Variants in MALRD1 observed in about 807,000 individuals in gnomAD.
MALRD1 encodes the protein MAM and LDL receptor class A domain containing 1, also known as MAM and LDL-receptor class A domain-containing protein 1.
A neutral mutation model predicts 242.1 loss-of-function variants in MALRD1; 247 were observed. The ratio of observed to expected loss-of-function variants is 1.02; its 90% CI spans 0.92 to 1.13. The LOEUF (loss-of-function observed/expected upper bound fraction) is 1.13, where lower values mean the gene tolerates loss of function less well. Among genes scored for constraint, MALRD1 ranks in the 50% most tolerant of loss-of-function variants. The pLI is 0.00. For missense variants in MALRD1, 2,989 were observed against 2,533.1 expected (o/e 1.18, Z -3.86); for synonymous variants, 995 against 866.6 (o/e 1.15, Z -2.60).
intron 29 of MALRD1, among the ~76,000 whole-genome samples, chr10:19,486,282 GT>G (rs927884913): frequency 5.9e-5 from 9 of 152,042 alleles, no homozygotes; most frequent in South Asian, 2.1e-4. Context: ...AGTCTGATCA[GT>G]TTTTTTTAAC....
At chr10:19,693,608 C>T (rs893363024) in intron 38 of MALRD1, among the ~76,000 whole-genome samples, 5 of 152,156 alleles carry the variant, frequency 3.3e-5, no homozygotes, top group African/African-American at 4.8e-5. Context: ...CTTCCATGCT[C>T]GTGGATAGGA....
intron 32 of MALRD1, among the ~76,000 whole-genome samples, 182 bp from the exon 33 acceptor site, chr10:19,567,320 C>T (rs1222347058): frequency 2.0e-5 from 3 of 151,844 alleles, no homozygotes; most frequent in African/African-American, 7.3e-5. Context: ...TCCTACTAAC[C>T]CAGGAAAATA....
chr10:19,657,730 C>A (rs183445826), intron 36 of MALRD1, among the ~76,000 whole-genome samples: 206 of 152,142 alleles, frequency 1.4e-3, no homozygotes, highest in Middle Eastern at 3.4e-3. Flanking sequence ...TTAAATTAAA[C>A]AGTTAATTAT....
chr10:19,488,887 A>G (rs1564384261), intron 29 of MALRD1: 7 of 355,526 alleles, frequency 2.0e-5, no homozygotes, highest in Non-Finnish European at 3.9e-5. Context: ...TGTTAAGAAT[A>G]CTTTGCATTT....
intron 36 of MALRD1, among the ~76,000 whole-genome samples, chr10:19,631,481 A>C (rs934167685): frequency 6.6e-6 from 1 of 152,156 alleles, no homozygotes; most frequent in Non-Finnish European, 1.5e-5. Flanking sequence ...TTATGGTAGG[A>C]CAATTTATAT....
intron 33 of MALRD1, among the ~76,000 whole-genome samples, chr10:19,579,732 C>T (rs1026368584): frequency 1.3e-5 from 2 of 152,174 alleles, no homozygotes; most frequent in African/African-American, 4.8e-5. Flanking sequence ...CAACCAAAAA[C>T]GGTAGACTTA....
intron 38 of MALRD1, among the ~76,000 whole-genome samples, chr10:19,718,533 C>T (rs1448693904): frequency 6.6e-6 from 1 of 152,186 alleles, no homozygotes; most frequent in Non-Finnish European, 1.5e-5. Flanking sequence ...TAAGCCTTTC[C>T]TGGGGATCTG....
At chr10:19,245,056 C>A (rs1418379691) in intron 18 of MALRD1, among the ~76,000 whole-genome samples, 1 of 152,084 alleles carries the variant, frequency 6.6e-6, no homozygotes, top group African/African-American at 2.4e-5. Context: ...CTCTTAGAAT[C>A]CAAGGGATGA....
chr10:19,253,367 C>T (rs1157861170), intron 18 of MALRD1, among the ~76,000 whole-genome samples: 2 of 151,834 alleles, frequency 1.3e-5, no homozygotes, highest in Non-Finnish European at 2.9e-5. Flanking sequence ...TGACTTATGG[C>T]AATAAGTATA....
At chr10:19,379,215 T>C (rs1436494720) in intron 26 of MALRD1, among the ~76,000 whole-genome samples, 2 of 152,152 alleles carry the variant, frequency 1.3e-5, no homozygotes, top group Non-Finnish European at 2.9e-5. Flanking sequence ...GTGCAGATGA[T>C]GTTTTATCAG....
chr10:19,206,316 C>T (rs1157700906), intron 17 of MALRD1, among the ~76,000 whole-genome samples: 1 of 152,070 alleles, frequency 6.6e-6, no homozygotes, highest in Non-Finnish European at 1.5e-5. Flanking sequence ...CTATTAAACT[C>T]AGAATTACCA....
chr10:19,717,204 G>A (rs867441475), intron 38 of MALRD1, among the ~76,000 whole-genome samples: 1 of 152,016 alleles, frequency 6.6e-6, no homozygotes, highest in Middle Eastern at 3.2e-3. Flanking sequence ...GGCTCATTTA[G>A]CATGCAACTC....
intron 5 of MALRD1, among the ~76,000 whole-genome samples, chr10:19,111,044 T>A (rs1016020435): frequency 2.6e-5 from 4 of 152,188 alleles, no homozygotes; most frequent in Non-Finnish European, 5.9e-5. Context: ...TTTGCTATCA[T>A]TTTAGATATA....
intron 24 of MALRD1, 124 bp downstream of exon 24, chr10:19,331,706 T>A: frequency 1.4e-6 from 1 of 729,712 alleles, no homozygotes; most frequent in South Asian, 1.8e-5. Flanking sequence ...GGTAAGGTGA[T>A]TTAACTTGAC....
intron 21 of MALRD1, among the ~76,000 whole-genome samples, chr10:19,297,707 A>T (rs1315996604): frequency 2.0e-5 from 3 of 151,928 alleles, no homozygotes. Context: ...TGCAAGTAAC[A>T]GGGGATGCAA....
chr10:19,689,354 TTTAAC>T (rs1842728862), intron 36 of MALRD1, among the ~76,000 whole-genome samples: 1 of 152,164 alleles, frequency 6.6e-6, no homozygotes, highest in South Asian at 2.1e-4. Context: ...AGGTTTGTGT[TTTAAC>T]ATACATTTGT....
At chr10:19,438,258 T>G (rs2130972309) in intron 28 of MALRD1, among the ~76,000 whole-genome samples, 1 of 152,240 alleles carries the variant, frequency 6.6e-6, no homozygotes, top group Admixed American at 6.5e-5. Flanking sequence ...ACAATAGAAA[T>G]ATAAATATGT....
intron 28 of MALRD1, among the ~76,000 whole-genome samples, chr10:19,393,801 T>C (rs1846453375): frequency 6.6e-6 from 1 of 150,900 alleles, no homozygotes; most frequent in Admixed American, 6.6e-5. Flanking sequence ...ATGAATACAC[T>C]AAAAGTAATT....
Position 19,502,030 on chromosome 10 carries a change from AG to A in MALRD1, c.5320+3385del, listed in dbSNP as rs60071112. On this transcript the variant is annotated intron_variant, in intron 31 of 39. Transcript: ENST00000454679. ...TCTGTCTCAAAAAAAAAAAAAGAAA[AG>A]AAAAGAAAAGAAAAGAAAAGAAGAA... Among the ~76,000 whole-genome samples, 774 of 97,758 alleles carry A rather than the reference AG, an allele frequency of 7.9e-3. 49 individuals are homozygous for A. Among genetic ancestry groups the A allele is most frequent in the African/African-American group, 0.034 (571 of 16,822 alleles). 64.1% of individuals were successfully genotyped at this position (97,758 alleles called of 152,430 possible).
Sources: allele counts gnomAD v4.1 joint callset (sites outside exome capture counted in the v4.1 genomes callset), GRCh38; gene constraint gnomAD v4.1.1; transcripts MANE v1.5; gene names NCBI Gene and HGNC (gene_info 2026-07-23, HGNC 2026-07-21).